The following SDCCAG8 variants were observed in gnomAD, a reference collection of about 807,000 sequenced individuals.
SDCCAG8 encodes the protein SHH signaling and ciliogenesis regulator SDCCAG8.
In SDCCAG8, 74 loss-of-function variants were observed where a neutral mutation model predicts 101.8. That is an observed-to-expected ratio of 0.73 (90% CI 0.60 to 0.88). The LOEUF is 0.88. Ranked by LOEUF, SDCCAG8 falls within the 40% of genes least tolerant of loss-of-function variation. SDCCAG8 has a pLI of 0.00. For missense variants in SDCCAG8, 787 were observed against 822.6 expected (o/e 0.96, Z 0.53); for synonymous variants, 281 against 292.9 (o/e 0.96, Z 0.41).
At chr1:243,296,593 A>G (rs1198859632) in intron 6 of SDCCAG8, among the ~76,000 whole-genome samples, 1 of 112,420 alleles carries the variant, frequency 8.9e-6, no homozygotes, top group African/African-American at 3.4e-5. Flanking sequence ...CCCAGGCGGG[A>G]GTGCTGTGGC....
intron 12 of SDCCAG8, among the ~76,000 whole-genome samples, chr1:243,352,671 A>G (rs547865621): frequency 1.6e-4 from 25 of 152,368 alleles, no homozygotes; most frequent in African/African-American, 6.0e-4. Context: ...ATATGCATAC[A>G]TTTAAAAAAA....
At chr1:243,267,457 C>A (rs2067711331) in intron 1 of SDCCAG8, 5 of 327,270 alleles carry the variant, frequency 1.5e-5, no homozygotes, top group Non-Finnish European at 2.9e-5. Flanking sequence ...ACAGAATTAG[C>A]CGGGCGTGGT....
chr1:243,276,897 CTGTA>C, intron 4 of SDCCAG8, among the ~76,000 whole-genome samples: 1 of 152,136 alleles, frequency 6.6e-6, no homozygotes, highest in Non-Finnish European at 1.5e-5. Context: ...TGGAATTATT[CTGTA>C]TATAGCCTTT....
intron 6 of SDCCAG8, among the ~76,000 whole-genome samples, chr1:243,296,848 A>G (rs970751031): frequency 6.6e-6 from 1 of 152,182 alleles, no homozygotes; most frequent in Admixed American, 6.5e-5. Context: ...TGCTCTTTTT[A>G]AGGTCATTAA....
intron 13 of SDCCAG8, among the ~76,000 whole-genome samples, chr1:243,400,170 G>T (rs2079288442): frequency 6.6e-6 from 1 of 152,180 alleles, no homozygotes; most frequent in South Asian, 2.1e-4. Flanking sequence ...TGACAGTAGG[G>T]CTTCTCAGCG....
At position 243,316,874 on chromosome 1, in the gene SDCCAG8, C is replaced by A. The variant is rs1471887962; in HGVS notation, c.1049C>A (p.Ala350Asp). The A allele has an allele frequency of 2.5e-6, 4 of 1,613,044 alleles. No homozygotes were observed. The highest frequency in any genetic ancestry group is 3.4e-6 in the Non-Finnish European group (4 of 1,179,724). ...VKQVLQISEE[A>D]NFEKTKALIQ... ...CAAGTTTTGCAAATATCTGAGGAAG[C>A]CAATTTTGAAAAAACCAAGGCAAGT... The change falls in exon 9 of 18, where the codon GCC (alanine) becomes GAC (aspartate). Residue 350 changes from alanine (A) to aspartate (D), a missense_variant. Transcript: ENST00000366541.
intron 13 of SDCCAG8, among the ~76,000 whole-genome samples, chr1:243,399,857 C>T (rs982114430): frequency 6.6e-5 from 10 of 152,194 alleles, no homozygotes; most frequent in African/African-American, 2.4e-4. Context: ...TAACCTCCCG[C>T]ATAAACGCTG....
chr1:243,345,736 C>T (rs1403228443), intron 12 of SDCCAG8, among the ~76,000 whole-genome samples: 36 of 151,470 alleles, frequency 2.4e-4, no homozygotes, highest in Admixed American at 2.4e-3. Flanking sequence ...AGATCAGGGA[C>T]AATAGGAGTA....
chr1:243,349,021 A>C (rs1228663412), intron 12 of SDCCAG8, among the ~76,000 whole-genome samples: 3 of 152,024 alleles, frequency 2.0e-5, no homozygotes, highest in Non-Finnish European at 4.4e-5. Flanking sequence ...AAAAAAAAAA[A>C]AACACAATTC....
intron 12 of SDCCAG8, among the ~76,000 whole-genome samples, chr1:243,367,665 G>A (rs1467913240): frequency 2.0e-5 from 3 of 151,234 alleles, no homozygotes; most frequent in East Asian, 1.9e-4. Flanking sequence ...GTTTACTAAT[G>A]TACTAAGGGC....
chr1:243,362,446 C>T (rs886066845), intron 12 of SDCCAG8, among the ~76,000 whole-genome samples: 1 of 152,206 alleles, frequency 6.6e-6, no homozygotes, highest in Non-Finnish European at 1.5e-5. Context: ...CATTTTACTA[C>T]CCACTACCCA....
chr1:243,256,148 C>G lies in SDCCAG8; in HGVS notation c.-26C>G, dbSNP rs1237070225. Reference sequence around the variant, plus strand: ...AAGCTGGACATTTCCCCACGTAACTCCCAGCTCTGGGCCTAGAGTGCGTGC... The same window carrying G: ...AAGCTGGACATTTCCCCACGTAACTGCCAGCTCTGGGCCTAGAGTGCGTGC... On this transcript the variant is annotated 5_prime_UTR_variant, in exon 1 of 18. Coordinates refer to ENST00000366541, the MANE Select transcript of SDCCAG8 (RefSeq NM_006642.5). 3 of 1,609,078 alleles carry G rather than the reference C, an allele frequency of 1.9e-6. No individual in the cohort carries two copies. The highest frequency in any genetic ancestry group is 2.6e-6 in the Non-Finnish European group (3 of 1,175,316).
chr1:243,406,692 C>G (rs574663211), intron 13 of SDCCAG8, among the ~76,000 whole-genome samples: 1 of 152,222 alleles, frequency 6.6e-6, no homozygotes, highest in South Asian at 2.1e-4. Context: ...CTGCCTACAT[C>G]TCCAAGTCTC....
chr1:243,334,247 A>G (rs1039615239), intron 10 of SDCCAG8, among the ~76,000 whole-genome samples: 27 of 151,872 alleles, frequency 1.8e-4, no homozygotes, highest in African/African-American at 5.8e-4. Flanking sequence ...CCTCCTTCCT[A>G]TCTGTTCTCC....
At chr1:243,274,691 A>G in intron 4 of SDCCAG8, 35 bp downstream of exon 4, 1 of 1,202,626 alleles carries the variant, frequency 8.3e-7, no homozygotes, top group Non-Finnish European at 1.2e-6. Context: ...AACTAAATAA[A>G]TGAAAGCTTA....
At chr1:243,438,867 C>T (rs541042702) in intron 16 of SDCCAG8, among the ~76,000 whole-genome samples, 5 of 152,266 alleles carry the variant, frequency 3.3e-5, no homozygotes, top group Admixed American at 2.0e-4. Context: ...TGATTTTGCT[C>T]GCATTATCCA....
rs1435643917 is a variant in SDCCAG8, at chr1:243,483,521, C to T, written c.1986-5493C>T. Reference sequence around the variant, plus strand: ...GCCGTGAAGATTGCCCCTCTCTCCTCCAGTGCCTCCTCCCCAGCGGCTTCG... The same window carrying T: ...GCCGTGAAGATTGCCCCTCTCTCCTTCAGTGCCTCCTCCCCAGCGGCTTCG... On this transcript the variant is annotated intron_variant, in intron 16 of 17. Coordinates refer to ENST00000366541, the MANE Select transcript of SDCCAG8 (RefSeq NM_006642.5). Among the ~76,000 whole-genome samples, 3 of 152,194 alleles carry T rather than the reference C, an allele frequency of 2.0e-5. No individual in the cohort carries two copies. The East Asian group carries it at 5.8e-4, about 29-fold the overall frequency.
intron 6 of SDCCAG8, among the ~76,000 whole-genome samples, chr1:243,303,660 T>A (rs1374539251): frequency 1.3e-5 from 2 of 152,250 alleles, no homozygotes; most frequent in African/African-American, 4.8e-5. Flanking sequence ...GATTGCTTTC[T>A]TGTAATAATA....
chr1:243,431,834 C>T (rs10927016), intron 16 of SDCCAG8, among the ~76,000 whole-genome samples: 18,417 of 152,044 alleles, frequency 0.12, 1,213 homozygotes, highest in Non-Finnish European at 0.14. Flanking sequence ...CCAGTAATCC[C>T]GGGGGTTTCG....
Sources: allele counts gnomAD v4.1 joint callset (sites outside exome capture counted in the v4.1 genomes callset), GRCh38; gene constraint gnomAD v4.1.1; transcripts MANE v1.5; gene names NCBI Gene and HGNC (gene_info 2026-07-23, HGNC 2026-07-21).